The following LRRC7 variants were observed in gnomAD, a reference collection of about 807,000 sequenced individuals.
LRRC7 encodes the protein leucine rich repeat containing 7, also known as leucine-rich repeat-containing protein 7.
A neutral mutation model predicts 175.7 loss-of-function variants in LRRC7; 23 were observed. The observed-to-expected ratio is 0.13, with a 90% CI of 0.09 to 0.19. The LOEUF (loss-of-function observed/expected upper bound fraction) is 0.19, where lower values mean the gene tolerates loss of function less well. Ranked by LOEUF, LRRC7 falls within the 10% of genes least tolerant of loss-of-function variation. The pLI, the probability that LRRC7 is intolerant of heterozygous loss-of-function variation, is 1.00. For synonymous variants in LRRC7, 685 were observed against 680.9 expected (o/e 1.01, Z -0.09); for missense variants, 1,354 against 1,904.7 (o/e 0.71, Z 5.38).
intron 7 of LRRC7, among the ~76,000 whole-genome samples, chr1:69,873,078 C>T (rs182592914): frequency 1.3e-5 from 2 of 152,180 alleles, no homozygotes; most frequent in African/African-American, 4.8e-5. Context: ...GTTAATCATG[C>T]TTGTTATCTC....
intron 7 of LRRC7, among the ~76,000 whole-genome samples, chr1:69,915,608 T>C (rs1472896673): frequency 2.6e-5 from 4 of 152,142 alleles, no homozygotes; most frequent in Admixed American, 2.6e-4. Context: ...TGAGAAGTCC[T>C]GCCAATAAGA....
chr1:70,106,756 G>A (rs990551062), intron 25 of LRRC7, among the ~76,000 whole-genome samples: 1 of 152,104 alleles, frequency 6.6e-6, no homozygotes, highest in African/African-American at 2.4e-5. Context: ...AAATTTCCCA[G>A]ATATAACAGG....
In LRRC7 at chr1:70,141,757, C is replaced by G. The variant is rs1484291041; in HGVS notation, c.*19870C>G. 2 of 151,944 alleles carry G rather than the reference C, an allele frequency of 1.3e-5. No homozygotes were observed. Among genetic ancestry groups the G allele is most frequent in the Non-Finnish European group, 2.9e-5 (2 of 67,944 alleles). The allele number at this position is 151,944 out of a possible 1,614,324, so 9.4% of individuals were successfully genotyped here. ...TTTTGGCTCTTTAAAGGTTATTTTC[C>G]TATATTAAGAAAAGGTTTCTTATAT... On this transcript the variant is annotated 3_prime_UTR_variant, in exon 27 of 27. Coordinates refer to ENST00000651989, the MANE Select transcript of LRRC7 (RefSeq NM_001370785.2).
intron 8 of LRRC7, among the ~76,000 whole-genome samples, chr1:69,943,949 A>AACACACACACACAC (rs55900412): frequency 7.6e-5 from 11 of 145,502 alleles, no homozygotes; most frequent in South Asian, 2.2e-4. Flanking sequence ...TATCATGGTA[A>AACACACACACACAC]ACACACACAC....
At chr1:69,893,562 A>C (rs1250807329) in intron 7 of LRRC7, among the ~76,000 whole-genome samples, 1 of 152,190 alleles carries the variant, frequency 6.6e-6, no homozygotes, top group Non-Finnish European at 1.5e-5. Flanking sequence ...TTTTATTATA[A>C]GTAGAAACTT....
intron 8 of LRRC7, among the ~76,000 whole-genome samples, chr1:69,943,001 A>G (rs1311672757): frequency 6.6e-6 from 1 of 152,136 alleles, no homozygotes; most frequent in Non-Finnish European, 1.5e-5. Context: ...CTTATCAGCT[A>G]TCATTAGTGT....
intron 7 of LRRC7, among the ~76,000 whole-genome samples, chr1:69,922,896 G>A (rs995095854): frequency 6.6e-6 from 1 of 151,666 alleles, no homozygotes; most frequent in Non-Finnish European, 1.5e-5. Flanking sequence ...ACGCCATGCT[G>A]GTGTGCTGCA....
At chr1:69,792,250 C>A in intron 4 of LRRC7, 90 bp downstream of exon 4, 2 of 778,118 alleles carry the variant, frequency 2.6e-6, no homozygotes, top group Non-Finnish European at 4.2e-6. Flanking sequence ...TCTAAAATAA[C>A]TTTTTCTTTG....
chr1:69,990,017 A>G (rs963573454), intron 10 of LRRC7, among the ~76,000 whole-genome samples: 10 of 152,126 alleles, frequency 6.6e-5, no homozygotes, highest in African/African-American at 2.4e-4. Flanking sequence ...GGATTTCTAT[A>G]CCCAAGTAAA....
intron 22 of LRRC7, among the ~76,000 whole-genome samples, chr1:70,051,788 A>G (rs1660765552): frequency 6.6e-6 from 1 of 151,966 alleles, no homozygotes; most frequent in African/African-American, 2.4e-5. Flanking sequence ...GTCATATTAA[A>G]TCCTATTTTA....
chr1:69,768,283 A>G (rs1217836132), intron 3 of LRRC7, among the ~76,000 whole-genome samples: 3 of 152,302 alleles, frequency 2.0e-5, no homozygotes, highest in South Asian at 2.1e-4. Flanking sequence ...GTTTGGCCAC[A>G]TGAATGCCAA....
intron 4 of LRRC7, among the ~76,000 whole-genome samples, chr1:69,811,406 A>T (rs573798021): frequency 1.3e-5 from 2 of 152,142 alleles, no homozygotes; most frequent in Non-Finnish European, 2.9e-5. Flanking sequence ...TTGACCCAGC[A>T]ATCTCATTAC....
At chr1:69,818,273 TGAAGTA>T (rs1326200283) in intron 4 of LRRC7, among the ~76,000 whole-genome samples, 3 of 152,146 alleles carry the variant, frequency 2.0e-5, no homozygotes, top group African/African-American at 7.2e-5. Flanking sequence ...TTTATTGTGT[TGAAGTA>T]CATTTCTTCT....
intron 11 of LRRC7, among the ~76,000 whole-genome samples, chr1:70,009,443 TA>T (rs770811916): frequency 2.6e-4 from 38 of 147,936 alleles, no homozygotes; most frequent in Non-Finnish European, 5.2e-4. Context: ...ATACACAGAG[TA>T]ACACAGTTAT....
intron 7 of LRRC7, among the ~76,000 whole-genome samples, chr1:69,927,384 A>G (rs1647115626): frequency 6.6e-6 from 1 of 152,168 alleles, no homozygotes; most frequent in Admixed American, 6.5e-5. Flanking sequence ...GTTCTCCTGG[A>G]TAATATCCTG....
chr1:69,971,159 T>C (rs1268647864), intron 8 of LRRC7, among the ~76,000 whole-genome samples: 1 of 152,090 alleles, frequency 6.6e-6, no homozygotes, highest in African/African-American at 2.4e-5. Flanking sequence ...AACAAATCCA[T>C]AGCCAGCATA....
intron 2 of LRRC7, among the ~76,000 whole-genome samples, chr1:69,713,297 G>T (rs1274277036): frequency 6.6e-6 from 1 of 151,360 alleles, no homozygotes; most frequent in Admixed American, 6.6e-5. Context: ...ATCAGCCCAG[G>T]AAGCATAGTG....
At chr1:69,953,794 A>C (rs1483673200) in intron 8 of LRRC7, among the ~76,000 whole-genome samples, 1 of 152,064 alleles carries the variant, frequency 6.6e-6, no homozygotes, top group African/African-American at 2.4e-5. Context: ...GCAGATTACC[A>C]TCAACACTTG....
At chr1:69,654,423 A>C (rs1656312120) in intron 1 of LRRC7, among the ~76,000 whole-genome samples, 1 of 152,088 alleles carries the variant, frequency 6.6e-6, no homozygotes, top group African/African-American at 2.4e-5. Flanking sequence ...GAGCAAAAAT[A>C]TATCATAATT....
Sources: allele counts gnomAD v4.1 joint callset (sites outside exome capture counted in the v4.1 genomes callset), GRCh38; gene constraint gnomAD v4.1.1; transcripts MANE v1.5; gene names NCBI Gene and HGNC (gene_info 2026-07-23, HGNC 2026-07-21).